MALRD1: variants seen among roughly 807,000 people sequenced by gnomAD.
MALRD1 encodes the protein MAM and LDL receptor class A domain containing 1.
A neutral mutation model predicts 242.1 loss-of-function variants in MALRD1; 247 were observed. The ratio of observed to expected loss-of-function variants is 1.02; its 90% CI spans 0.92 to 1.13. The LOEUF is 1.13. Ranked by LOEUF, MALRD1 falls within the 50% of genes most tolerant of loss-of-function variation. MALRD1 has a pLI of 0.00. For synonymous variants in MALRD1, 995 were observed against 866.6 expected (o/e 1.15, Z -2.60); for missense variants, 2,989 against 2,533.1 (o/e 1.18, Z -3.86).
At chr10:19,195,112 C>T (rs754821570) in intron 14 of MALRD1, among the ~76,000 whole-genome samples, 4 of 152,158 alleles carry the variant, frequency 2.6e-5, no homozygotes, top group Non-Finnish European at 4.4e-5. Flanking sequence ...TGTTAGCCAA[C>T]TTGATTATCA....
intron 33 of MALRD1, among the ~76,000 whole-genome samples, chr10:19,573,602 A>G (rs1272770440): frequency 1.3e-5 from 2 of 151,842 alleles, no homozygotes; most frequent in African/African-American, 4.8e-5. Context: ...AAAAGAAAAA[A>G]TTTTCCTTAC....
At chr10:19,569,670 T>C (rs1462556149) in intron 33 of MALRD1, among the ~76,000 whole-genome samples, 1 of 147,124 alleles carries the variant, frequency 6.8e-6, no homozygotes, top group Non-Finnish European at 1.5e-5. Context: ...TGTATTATTA[T>C]ATATTATATT....
Position 19,495,159 on chromosome 10 carries a change from T to C in MALRD1, c.5159-3326T>C, listed in dbSNP as rs369230617. On this transcript the variant is annotated intron_variant, in intron 30 of 39. Transcript: ENST00000454679. ...ACCCAGCTAATTTTTCTATTTTTAG[T>C]AGAGATGGGGTGTTGCCATGTTGGC... 9.9e-5 allele frequency among the ~76,000 whole-genome samples: 15 copies of C among 152,084 alleles called. 1 individual carries two copies. Among genetic ancestry groups the C allele is most frequent in the Non-Finnish European group, 1.9e-4 (13 of 67,980 alleles).
At chr10:19,228,976 C>CTT (rs1837920290) in intron 18 of MALRD1, among the ~76,000 whole-genome samples, 1 of 77,372 alleles carries the variant, frequency 1.3e-5, no homozygotes, top group East Asian at 6.2e-4. Context: ...ATGGGGAATG[C>CTT]ATGTGGTGTG....
chr10:19,555,100 T>A (rs1835657829), intron 32 of MALRD1, among the ~76,000 whole-genome samples: 1 of 152,134 alleles, frequency 6.6e-6, no homozygotes, highest in South Asian at 2.1e-4. Context: ...TGGCATGAGA[T>A]GATATCTCAT....
At chr10:19,644,882 T>C (rs10764113) in intron 36 of MALRD1, among the ~76,000 whole-genome samples, 87,218 of 151,956 alleles carry the variant, frequency 0.57, 25,121 homozygotes, top group East Asian at 0.6. Flanking sequence ...CAAAACTAGA[T>C]TCTTAGTGCA....
chr10:19,057,265 G>A (rs1048413509), intron 1 of MALRD1, among the ~76,000 whole-genome samples: 13 of 152,128 alleles, frequency 8.5e-5, no homozygotes, highest in African/African-American at 3.1e-4. Flanking sequence ...ATGATTGATA[G>A]GTAACTAATT....
rs1841530834 is a variant in MALRD1, at chr10:19,293,187, T to C, written c.3419+10006T>C. Among the ~76,000 whole-genome samples the C allele has an allele frequency of 2.0e-5, 3 of 152,150 alleles. No homozygotes were observed. The South Asian group carries it at 6.2e-4, about 32-fold the overall frequency. ...AGATCAAGACTTTTAACTAAAATAA[T>C]GGTTAAATACCAGTCCTTAGAAACA... On this transcript the variant is annotated intron_variant, in intron 21 of 39. Transcript: ENST00000454679.
Position 19,165,542 on chromosome 10 carries a change from G to T in MALRD1, c.1657-95G>T, listed in dbSNP as rs762627761. 440 of 972,542 alleles carry T rather than the reference G, an allele frequency of 4.5e-4. 3 individuals are homozygous for T. Among genetic ancestry groups the T allele is most frequent in the Non-Finnish European group, 3.2e-5 (24 of 753,184 alleles). The allele number at this position is 972,542 out of a possible 1,614,324, so 60.2% of individuals were successfully genotyped here. On this transcript the variant is annotated intron_variant, in intron 12 of 39. Coordinates refer to ENST00000454679, the MANE Select transcript of MALRD1 (RefSeq NM_001142308.3). ...GCACTTTGGGAGGCCGAGGCAGGCA[G>T]ATCACCTGAGGTCAGGAATATTTCA...
intron 32 of MALRD1, among the ~76,000 whole-genome samples, chr10:19,545,151 C>T (rs1835155430): frequency 6.6e-6 from 1 of 152,158 alleles, no homozygotes; most frequent in African/African-American, 2.4e-5. Flanking sequence ...TCTATGCAGG[C>T]ATATCTATCC....
chr10:19,640,807 G>A (rs933334936), intron 36 of MALRD1, among the ~76,000 whole-genome samples: 37 of 151,978 alleles, frequency 2.4e-4, no homozygotes, highest in Non-Finnish European at 2.9e-5. Context: ...GTATTACACA[G>A]CAAAATAGCT....
intron 38 of MALRD1, among the ~76,000 whole-genome samples, chr10:19,701,215 A>G (rs894160050): frequency 6.6e-6 from 1 of 152,120 alleles, no homozygotes; most frequent in Non-Finnish European, 1.5e-5. Context: ...AAGGAAGCAG[A>G]CCAGCCTAGC....
intron 21 of MALRD1, among the ~76,000 whole-genome samples, chr10:19,310,527 T>C (rs1411973399): frequency 6.6e-6 from 1 of 151,630 alleles, no homozygotes; most frequent in Non-Finnish European, 1.5e-5. Flanking sequence ...AGGAATGTTC[T>C]GTGAACACAG....
At chr10:19,196,633 T>C (rs1281588306) in intron 14 of MALRD1, among the ~76,000 whole-genome samples, 1 of 151,840 alleles carries the variant, frequency 6.6e-6, no homozygotes, top group Non-Finnish European at 1.5e-5. Flanking sequence ...ATGTGAACTC[T>C]GGATTCATAC....
intron 2 of MALRD1, among the ~76,000 whole-genome samples, chr10:19,082,762 G>A (rs1835534722): frequency 2.0e-5 from 3 of 151,950 alleles, no homozygotes; most frequent in Admixed American, 2.0e-4. Flanking sequence ...ACTGTTTGTT[G>A]TAGTTATAGT....
intron 19 of MALRD1, among the ~76,000 whole-genome samples, chr10:19,267,365 A>G (rs572086364): frequency 7.2e-5 from 11 of 152,206 alleles, no homozygotes; most frequent in African/African-American, 2.6e-4. Context: ...ATAAAATATG[A>G]TGACTATTTT....
chr10:19,615,560 C>CA (rs1378340992), intron 35 of MALRD1, among the ~76,000 whole-genome samples: 2 of 111,166 alleles, frequency 1.8e-5, no homozygotes, highest in African/African-American at 7.8e-5. Flanking sequence ...GAAAAAATAG[C>CA]AAAAAATAAA....
intron 18 of MALRD1, among the ~76,000 whole-genome samples, chr10:19,253,665 G>A (rs956118445): frequency 6.6e-6 from 1 of 151,976 alleles, no homozygotes; most frequent in African/African-American, 2.4e-5. Flanking sequence ...TCAAACTCAT[G>A]TTGTTTAAGA....
At chr10:19,179,579 C>G (rs1380666134) in intron 14 of MALRD1, among the ~76,000 whole-genome samples, 1 of 152,124 alleles carries the variant, frequency 6.6e-6, no homozygotes, top group Admixed American at 6.5e-5. Context: ...GATCACACCA[C>G]TGCATTACAG....
Sources: allele counts gnomAD v4.1 joint callset (sites outside exome capture counted in the v4.1 genomes callset), GRCh38; gene constraint gnomAD v4.1.1; transcripts MANE v1.5; gene names NCBI Gene and HGNC (gene_info 2026-07-23, HGNC 2026-07-21).